Variants in KRT72 observed in about 807,000 individuals in gnomAD.
KRT72 encodes keratin, type II cytoskeletal 72.
KRT72 carries 44 observed loss-of-function variants against 44.7 expected under a neutral mutation model. The observed-to-expected ratio is 0.98, with a 90% CI of 0.77 to 1.27. KRT72 has a LOEUF of 1.27. KRT72 is among the 50% of genes most tolerant of loss of function. The pLI is 0.00. For missense variants in KRT72, 736 were observed against 667.1 expected (o/e 1.10, Z -1.14); for synonymous variants, 302 against 280.4 (o/e 1.08, Z -0.77).
chr12:52,594,598 A>T (rs1940172487), intron 2 of KRT72, among the ~76,000 whole-genome samples: 1 of 142,700 alleles, frequency 7.0e-6, no homozygotes, highest in Non-Finnish European at 1.5e-5. Context: ...CCACACACCG[A>T]GGCCTGTTGT....
At chr12:52,587,496 T>C (rs1451162450) in intron 7 of KRT72, 135 bp downstream of exon 7, 1 of 950,588 alleles carries the variant, frequency 1.1e-6, no homozygotes, top group Non-Finnish European at 1.6e-6. Context: ...TTGGCCTTCC[T>C]AATCATGTGA....
Position 52,591,705 on chromosome 12 carries a change from A to G in KRT72, c.799-77T>C, listed in dbSNP as rs957013217. On this transcript the variant is annotated intron_variant, in intron 4 of 8. Coordinates refer to ENST00000293745, the MANE Select transcript of KRT72 (RefSeq NM_080747.3). ...AGTTCTCTTGGTCCTCCCTGGGCAA[A>G]TTCCTCACTGTCCCTCTGCCTTTCC... is the stretch of plus-strand genomic sequence containing the variant. 9.4e-6 allele frequency: 13 copies of G among 1,379,648 alleles called. No individual in the cohort carries two copies. In the African/African-American group the frequency reaches 1.6e-4, roughly 17 times the overall value. The allele number at this position is 1,379,648 out of a possible 1,614,324, so 85.5% of individuals were successfully genotyped here. A position where few individuals can be genotyped will look rare whatever the true frequency, so the allele number is the denominator to read the frequency against.
intron 2 of KRT72, 77 bp from the exon 3 acceptor site, chr12:52,593,029 G>C (rs1485148727): frequency 5.1e-6 from 7 of 1,360,762 alleles, no homozygotes; most frequent in African/African-American, 1.5e-5. Flanking sequence ...TCTGTGCTGA[G>C]AGCTGCAGGG....
Position 52,601,422 on chromosome 12 carries a change from C to G in KRT72, c.31G>C (p.Gly11Arg). ...CAACCGCTGAAGCCCAGGCGCTCCCCGCGGGGGAAATGGGTCAGTTGGCGG... is the reference window on the plus strand; with the variant it reads ...CAACCGCTGAAGCCCAGGCGCTCCCGGCGGGGGAAATGGGTCAGTTGGCGG... MSRQLTHFPRGERLGFSGCSA... is the reference protein window; with the variant it reads MSRQLTHFPRRERLGFSGCSA... The change falls in exon 1 of 9, where the codon GGG becomes CGG. Residue 11 changes from glycine (G) to arginine (R), a missense_variant. Coordinates refer to ENST00000293745, the MANE Select transcript of KRT72 (RefSeq NM_080747.3). 6.5e-7 allele frequency: 1 copy of G among 1,539,426 alleles called. No homozygotes were observed. Among genetic ancestry groups the G allele is most frequent in the Non-Finnish European group, 8.7e-7 (1 of 1,147,262 alleles).
rs368155819 is a variant in KRT72 at position 52,592,841 on chromosome 12, G to A, written c.702+51C>T. 1.5e-4 allele frequency: 225 copies of A among 1,514,110 alleles called. No homozygotes were observed. The African/African-American group carries it at 2.4e-3, about 16-fold the overall frequency. The allele number at this position is 1,514,110 out of a possible 1,614,324, so 93.8% of individuals were successfully genotyped here. ...TTCCTCACCCTACAAGCATCATTGTGCCAGGTGGTCAGGTCTAGGCTTCTT... is the reference window on the plus strand; with the variant it reads ...TTCCTCACCCTACAAGCATCATTGTACCAGGTGGTCAGGTCTAGGCTTCTT... On this transcript the variant is annotated intron_variant, in intron 3 of 8. Transcript: ENST00000293745.
At position 52,601,288 on chromosome 12, in the gene KRT72, G is replaced by A; in HGVS notation, c.165C>T (p.Ser55=). The A allele has an allele frequency of 1.3e-6, 2 of 1,550,456 alleles. No homozygotes were observed. Among genetic ancestry groups the A allele is most frequent in the Non-Finnish European group, 1.7e-6 (2 of 1,148,482 alleles). The change falls in exon 1 of 9, where the codon AGC becomes AGT. Residue 55 remains serine (S), a synonymous_variant. Coordinates refer to ENST00000293745, the MANE Select transcript of KRT72 (RefSeq NM_080747.3). ...GSKSLSCLGG[S]RSLALSAAAR... ...CAGCAGCGCTGAGCGCCAGGCTTCG[G>A]CTGCCCCCAAGGCAGGAGAGGCTCT...
At chr12:52,601,698 A>G, upstream of KRT72, 1 of 528,766 alleles carries the variant, frequency 1.9e-6, no homozygotes. Flanking sequence ...AGTGACCCAG[A>G]ACCCAGCATT....
At position 52,601,277 on chromosome 12, in the gene KRT72, G is replaced by T. The variant is rs1461072774; in HGVS notation, c.176C>A (p.Ala59Glu). The T allele has an allele frequency of 9.7e-6, 15 of 1,552,400 alleles. No individual in the cohort carries two copies. Among genetic ancestry groups the T allele is most frequent in the African/African-American group, 5.5e-5 (4 of 73,394 alleles). Residue 59 changes from alanine (A) to glutamate (E), a missense_variant, in exon 1 of 9, where the codon GCG becomes GAG. Transcript: ENST00000293745. Reference protein sequence around the residue: ...LSCLGGSRSLALSAAARRGGG... With the variant: ...LSCLGGSRSLELSAAARRGGG... Reference sequence around the variant, plus strand: ...GCCCCGCCGTGCAGCAGCGCTGAGCGCCAGGCTTCGGCTGCCCCCAAGGCA... The same window carrying T: ...GCCCCGCCGTGCAGCAGCGCTGAGCTCCAGGCTTCGGCTGCCCCCAAGGCA...
At position 52,585,915 on chromosome 12, in the gene KRT72, A is replaced by C. The variant is rs766226144; in HGVS notation, c.*67T>G. 8.0e-5 allele frequency: 112 copies of C among 1,402,190 alleles called. No individual in the cohort carries two copies. Among genetic ancestry groups the C allele is most frequent in the Non-Finnish European group, 1.0e-4 (104 of 1,011,106 alleles). The allele number at this position is 1,402,190 out of a possible 1,614,324, so 86.9% of individuals were successfully genotyped here. A position where few individuals can be genotyped will look rare whatever the true frequency, so the allele number is the denominator to read the frequency against. ...ATTTCTTGACTTGGAAAGGGAGCCCAGGGAAGGAGAGGGAGGAGACGGGTG... is the reference window on the plus strand; with the variant it reads ...ATTTCTTGACTTGGAAAGGGAGCCCCGGGAAGGAGAGGGAGGAGACGGGTG... On this transcript the variant is annotated 3_prime_UTR_variant, in exon 9 of 9. Coordinates refer to ENST00000293745, the MANE Select transcript of KRT72 (RefSeq NM_080747.3).
At chr12:52,599,467 A>G in intron 1 of KRT72, 1 of 465,900 alleles carries the variant, frequency 2.1e-6, no homozygotes, top group South Asian at 1.5e-5. Context: ...TGACATTGGA[A>G]AGCACACTGG....
chr12:52,597,412 A>C (rs1940260480), intron 2 of KRT72, among the ~76,000 whole-genome samples: 1 of 152,218 alleles, frequency 6.6e-6, no homozygotes, highest in Admixed American at 6.5e-5. Flanking sequence ...GAGAGATGCA[A>C]AAACCTGGCA....
chr12:52,601,302 A>G lies in KRT72; in HGVS notation c.151T>C (p.Cys51Arg), dbSNP rs545441578. Residue 51 changes from cysteine (C) to arginine (R), a missense_variant, in exon 1 of 9, where the codon TGC (cysteine) becomes CGC (arginine). Coordinates refer to ENST00000293745, the MANE Select transcript of KRT72 (RefSeq NM_080747.3). ...GCCAGGCTTCGGCTGCCCCCAAGGC[A>G]GGAGAGGCTCTTGCTGCCAAAGGAG... ...SASFGSKSLSCLGGSRSLALS... is the reference protein window; with the variant it reads ...SASFGSKSLSRLGGSRSLALS... 9.0e-6 allele frequency: 14 copies of G among 1,548,768 alleles called. No individual in the cohort carries two copies. The South Asian group carries it at 1.7e-4, about 18-fold the overall frequency.
chr12:52,599,703 C>T (rs1027532680), intron 1 of KRT72, among the ~76,000 whole-genome samples: 2 of 152,100 alleles, frequency 1.3e-5, no homozygotes, highest in African/African-American at 2.4e-5. Context: ...GAACAACAGA[C>T]ATAAAAGAGC....
In KRT72 at chr12:52,599,020, C is replaced by T. The variant is rs1940318874; in HGVS notation, c.519G>A (p.Glu173=). ...LDLNNCRKNL[E]PIYEGYISNL... ...TGCTGATGTAGCCCTCATAAATGGG[C>T]TCCAGGTTCTTCCTGCAGTTGTTCA... is the stretch of plus-strand genomic sequence containing the variant. Residue 173 remains glutamate (E), a synonymous_variant, in exon 2 of 9, where the codon GAG becomes GAA. Transcript: ENST00000293745. The T allele has an allele frequency of 6.2e-7, 1 of 1,614,020 alleles. No homozygotes were observed. The highest frequency in any genetic ancestry group is 2.2e-5 in the East Asian group (1 of 44,876).
intron 5 of KRT72, 111 bp from the exon 6 acceptor site, chr12:52,591,072 T>C: frequency 4.6e-6 from 5 of 1,085,204 alleles, no homozygotes; most frequent in Middle Eastern, 2.9e-4. Context: ...GATCCTCAGG[T>C]TCTCAAACAT....
In KRT72 at chr12:52,595,315, T is replaced by C. The variant is rs1441629860; in HGVS notation, c.642-2363A>G. 2.0e-5 allele frequency among the ~76,000 whole-genome samples: 3 copies of C among 152,140 alleles called. 1 individual carries two copies. In the East Asian group the frequency reaches 5.8e-4, roughly 29 times the overall value. Reference sequence around the variant, plus strand: ...AAAAGTTAAATCATTAAAAAGTACATATTGATTTCTCTTGTTTTATAACAT... The same window carrying C: ...AAAAGTTAAATCATTAAAAAGTACACATTGATTTCTCTTGTTTTATAACAT... On this transcript the variant is annotated intron_variant, in intron 2 of 8. Transcript: ENST00000293745.
chr12:52,590,968 T>C lies in KRT72; in HGVS notation c.964-7A>G, dbSNP rs760527313. 1 of 1,583,250 alleles carries C rather than the reference T, an allele frequency of 6.3e-7. No individual in the cohort carries two copies. The highest frequency in any genetic ancestry group is 1.3e-5 in the African/African-American group (1 of 74,312). On this transcript the variant is annotated splice_region_variant and splice_polypyrimidine_tract_variant and intron_variant, in intron 5 of 8. Coordinates refer to ENST00000293745, the MANE Select transcript of KRT72 (RefSeq NM_080747.3). ...TGACCTGCAGCTCCTGGATCTGAGGTTGGGTGACAAGAGAAGAGGAACACA... is the reference window on the plus strand; with the variant it reads ...TGACCTGCAGCTCCTGGATCTGAGGCTGGGTGACAAGAGAAGAGGAACACA...
At chr12:52,587,398 G>A (rs970797167) in intron 7 of KRT72, among the ~76,000 whole-genome samples, 2 of 152,166 alleles carry the variant, frequency 1.3e-5, no homozygotes, top group Non-Finnish European at 2.9e-5. Flanking sequence ...GGTCGGGGAT[G>A]CTGTTTCTCA....
upstream of KRT72, among the ~76,000 whole-genome samples, chr12:52,601,848 G>A (rs1940478144): frequency 6.6e-6 from 1 of 152,188 alleles, no homozygotes; most frequent in African/African-American, 2.4e-5. Flanking sequence ...TGTCTGGGGA[G>A]ACGGAGGTGT....
Sources: allele counts gnomAD v4.1 joint callset (sites outside exome capture counted in the v4.1 genomes callset), GRCh38; gene constraint gnomAD v4.1.1; transcripts MANE v1.5; gene names NCBI Gene and HGNC (gene_info 2026-07-23, HGNC 2026-07-21).